ADGRL3: variants seen among roughly 807,000 people sequenced by gnomAD.
ADGRL3 encodes adhesion G protein-coupled receptor L3, also known as calcium-independent alpha-latrotoxin receptor 3.
A neutral mutation model predicts 153.5 loss-of-function variants in ADGRL3; 62 were observed. The observed-to-expected ratio is 0.40, with a 90% CI of 0.33 to 0.50. ADGRL3 has a LOEUF of 0.50. ADGRL3 is among the 20% of genes least tolerant of loss of function. The pLI is 0.47. For missense variants in ADGRL3, 1,641 were observed against 1,859.4 expected, an observed-to-expected ratio of 0.88 and a Z score of 2.16; for synonymous variants, 710 against 672.5, an observed-to-expected ratio of 1.06 and a Z score of -0.86.
chr4:61,235,739 C>A (rs988018729), intron 1 of ADGRL3, among the ~76,000 whole-genome samples: 6 of 152,138 alleles, frequency 3.9e-5, no homozygotes, highest in Non-Finnish European at 7.4e-5. Context: ...CCTATGGAAG[C>A]CATTAAGTAT....
intron 4 of ADGRL3, among the ~76,000 whole-genome samples, chr4:61,570,604 C>G (rs2098834679): frequency 6.6e-6 from 1 of 152,120 alleles, no homozygotes; most frequent in African/African-American, 2.4e-5. Context: ...AATTTTGCAC[C>G]ATTACACTTA....
intron 25 of ADGRL3, among the ~76,000 whole-genome samples, chr4:62,050,167 AT>A (rs1369919159): frequency 6.6e-6 from 1 of 152,130 alleles, no homozygotes; most frequent in Non-Finnish European, 1.5e-5. Context: ...TAACAAAAAA[AT>A]AAAATAATAA....
intron 17 of ADGRL3, among the ~76,000 whole-genome samples, chr4:61,972,068 G>GGGTTGTGT (rs1403498900): frequency 1.3e-5 from 2 of 151,948 alleles, no homozygotes; most frequent in Non-Finnish European, 2.9e-5. Context: ...CCCTTTGTCA[G>GGGTTGTGT]ATGAGTAGGT....
chr4:61,911,977 G>A (rs1000710755), intron 12 of ADGRL3, among the ~76,000 whole-genome samples: 3 of 152,166 alleles, frequency 2.0e-5, no homozygotes, highest in Admixed American at 6.6e-5. Flanking sequence ...TGTAACAGGA[G>A]TTGCTGCTAT....
Position 61,682,322 on chromosome 4 carries a change from T to C in ADGRL3, c.583+5387T>C, listed in dbSNP as rs201704369. Among the ~76,000 whole-genome samples, 20 of 152,024 alleles carry C rather than the reference T, an allele frequency of 1.3e-4. No homozygotes were observed. In the East Asian group the frequency reaches 3.3e-3, roughly 25 times the overall value. ...AGAGCAACAAAATGTTTTTTTCTTC[T>C]CTCCCATTCTTTCTCTCCCTTACCA... On this transcript the variant is annotated intron_variant, in intron 6 of 26. Coordinates refer to ENST00000683033, the MANE Select transcript of ADGRL3 (RefSeq NM_001387552.1).
chr4:61,909,749 AG>A lies in ADGRL3; in HGVS notation c.2073+6del. On this transcript the variant is annotated splice_donor_5th_base_variant and intron_variant, in intron 12 of 26. Transcript: ENST00000683033. ...TGCTGCCCGGAGTTTGAACAAGGTAAGGACCCTAATTATGTGTGTGTGTGTG... is the reference window on the plus strand; with the variant it reads ...TGCTGCCCGGAGTTTGAACAAGGTAAGACCCTAATTATGTGTGTGTGTGTG... 1 of 1,524,320 alleles carries A rather than the reference AG, an allele frequency of 6.6e-7. No individual in the cohort carries two copies. The highest frequency in any genetic ancestry group is 1.2e-5 in the South Asian group (1 of 83,158). The allele number at this position is 1,524,320 out of a possible 1,614,324, so 94.4% of individuals were successfully genotyped here.
chr4:61,723,391 G>A (rs1030080621), intron 6 of ADGRL3, among the ~76,000 whole-genome samples: 5 of 152,074 alleles, frequency 3.3e-5, no homozygotes, highest in African/African-American at 1.2e-4. Context: ...TTTAAGGAGA[G>A]GAAAGTTTAA....
At chr4:61,414,891 G>A (rs992299561) in intron 2 of ADGRL3, among the ~76,000 whole-genome samples, 2 of 151,636 alleles carry the variant, frequency 1.3e-5, no homozygotes, top group Non-Finnish European at 2.9e-5. Flanking sequence ...CATTATCTCA[G>A]CTTAAAATCT....
chr4:61,403,855 G>A (rs2096960572), intron 2 of ADGRL3, among the ~76,000 whole-genome samples: 1 of 151,970 alleles, frequency 6.6e-6, no homozygotes, highest in Non-Finnish European at 1.5e-5. Flanking sequence ...TGGAGAATTG[G>A]TTGGTGTGAG....
intron 5 of ADGRL3, among the ~76,000 whole-genome samples, chr4:61,671,882 A>C (rs150181918): frequency 1.3e-5 from 2 of 152,280 alleles, no homozygotes; most frequent in Non-Finnish European, 2.9e-5. Flanking sequence ...TTATTTGATT[A>C]CTGAGAGTCT....
At chr4:61,904,049 G>A (rs2098681591) in intron 11 of ADGRL3, among the ~76,000 whole-genome samples, 1 of 151,488 alleles carries the variant, frequency 6.6e-6, no homozygotes, top group Non-Finnish European at 1.5e-5. Flanking sequence ...GATTACAGAT[G>A]TGAGCCACCA....
chr4:61,455,393 A>T (rs1028705644), intron 2 of ADGRL3, among the ~76,000 whole-genome samples: 2 of 152,154 alleles, frequency 1.3e-5, no homozygotes, highest in African/African-American at 4.8e-5. Context: ...AGAAAAAGTA[A>T]ATATATGATG....
At chr4:61,368,073 T>A (rs1402149673) in intron 1 of ADGRL3, among the ~76,000 whole-genome samples, 1 of 151,794 alleles carries the variant, frequency 6.6e-6, no homozygotes, top group South Asian at 2.1e-4. Context: ...TCGCCCACTT[T>A]TTGATGGGGT....
intron 17 of ADGRL3, among the ~76,000 whole-genome samples, chr4:61,959,536 CT>C (rs2098980177): frequency 6.6e-6 from 1 of 151,952 alleles, no homozygotes; most frequent in Non-Finnish European, 1.5e-5. Flanking sequence ...CATTGTATTT[CT>C]TTCTAAATGT....
rs116390243 is a variant in ADGRL3, at chr4:61,675,953, T to A, written c.474-873T>A. Among the ~76,000 whole-genome samples, 944 of 151,860 alleles carry A rather than the reference T, an allele frequency of 6.2e-3. 8 individuals carry two copies. Among genetic ancestry groups the A allele is most frequent in the African/African-American group, 0.022 (894 of 41,472 alleles). The stretch of plus-strand genomic sequence containing the variant: ...AACCATCTTCACTTCCTCCCCCCTC[T>A]ACCCCTCACTCCGTTCCCAGCCTCT... On this transcript the variant is annotated intron_variant, in intron 5 of 26. Coordinates refer to ENST00000683033, the MANE Select transcript of ADGRL3 (RefSeq NM_001387552.1).
At chr4:62,016,399 A>C (rs967022149) in intron 21 of ADGRL3, among the ~76,000 whole-genome samples, 1 of 152,138 alleles carries the variant, frequency 6.6e-6, no homozygotes, top group Non-Finnish European at 1.5e-5. Flanking sequence ...TTCGTGTTAC[A>C]ATCTTTAATC....
chr4:61,755,190 C>A (rs2096809545), intron 8 of ADGRL3, among the ~76,000 whole-genome samples: 1 of 152,150 alleles, frequency 6.6e-6, no homozygotes. Flanking sequence ...TGAGGAATCG[C>A]CACACTGACT....
intron 8 of ADGRL3, among the ~76,000 whole-genome samples, chr4:61,792,147 T>G (rs1316565854): frequency 6.6e-6 from 1 of 152,228 alleles, no homozygotes; most frequent in East Asian, 1.9e-4. Flanking sequence ...AACAAACTTT[T>G]ATGCTCTGCT....
intron 9 of ADGRL3, among the ~76,000 whole-genome samples, chr4:61,847,614 T>C (rs1449776677): frequency 4.2e-5 from 2 of 47,158 alleles, no homozygotes; most frequent in African/African-American, 2.1e-4. Flanking sequence ...TAATATATTA[T>C]ATATATAATA....
Sources: gnomAD v4.1 joint callset for allele counts (sites outside exome capture counted in the v4.1 genomes callset) on GRCh38, gnomAD v4.1.1 for gene constraint, MANE v1.5 for transcripts, NCBI Gene and HGNC (gene_info 2026-07-23, HGNC 2026-07-21) for gene names.